Variants in PDS5B observed in about 807,000 individuals in gnomAD.
The protein encoded by PDS5B is PDS5 cohesin associated factor B, also known as sister chromatid cohesion protein PDS5 homolog B.
PDS5B carries 51 observed loss-of-function variants against 184.1 expected under a neutral mutation model. The observed-to-expected ratio is 0.28, with a 90% CI of 0.22 to 0.35. The LOEUF (loss-of-function observed/expected upper bound fraction) is 0.35. Ranked by LOEUF, PDS5B falls within the 10% of genes least tolerant of loss-of-function variation. The probability of loss-of-function intolerance (pLI) is 1.00; values close to 1 mark genes in which losing one functional copy is unlikely to be tolerated. For missense variants in PDS5B, 1,180 were observed against 1,723.3 expected (o/e 0.68, Z 5.58); for synonymous variants, 566 against 569.2 (o/e 0.99, Z 0.08).
At chr13:32,646,474 A>G (rs890621318) in intron 1 of PDS5B, among the ~76,000 whole-genome samples, 4 of 149,100 alleles carry the variant, frequency 2.7e-5, no homozygotes, top group Non-Finnish European at 5.9e-5. Flanking sequence ...TGGCAACTGA[A>G]TGGTATTGCT....
At chr13:32,728,604 C>T (rs1268129577) in intron 19 of PDS5B, among the ~76,000 whole-genome samples, 1 of 152,146 alleles carries the variant, frequency 6.6e-6, no homozygotes, top group African/African-American at 2.4e-5. Context: ...CCTGAACTCT[C>T]ATCTTTATCT....
chr13:32,710,997 C>CTTT (rs906113848), intron 19 of PDS5B, among the ~76,000 whole-genome samples: 18 of 146,786 alleles, frequency 1.2e-4, no homozygotes, highest in Non-Finnish European at 2.6e-4. Flanking sequence ...TTCTTTTTTT[C>CTTT]TTTTTTTTTT....
chr13:32,594,658 A>T (rs752206806), intron 1 of PDS5B, among the ~76,000 whole-genome samples: 7 of 152,238 alleles, frequency 4.6e-5, no homozygotes, highest in Non-Finnish European at 4.4e-5. Flanking sequence ...TTTAATGAAG[A>T]GTAAAGAATG....
chr13:32,622,157 T>A (rs2058311633), intron 1 of PDS5B, among the ~76,000 whole-genome samples: 1 of 152,120 alleles, frequency 6.6e-6, no homozygotes, highest in Non-Finnish European at 1.5e-5. Flanking sequence ...ATTTTATTCT[T>A]CATTTCTTTT....
At chr13:32,601,494 A>G (rs1593242911) in intron 1 of PDS5B, among the ~76,000 whole-genome samples, 1 of 152,212 alleles carries the variant, frequency 6.6e-6, no homozygotes, top group Non-Finnish European at 1.5e-5. Context: ...CCATATTTCT[A>G]CTGTTGTCTC....
In PDS5B at chr13:32,726,606, T is replaced by C. The variant is rs528519386; in HGVS notation, c.2124-5495T>C. 2.0e-5 allele frequency among the ~76,000 whole-genome samples: 3 copies of C among 152,354 alleles called. No individual in the cohort carries two copies. The South Asian group carries it at 6.2e-4, about 32-fold the overall frequency. On this transcript the variant is annotated intron_variant, in intron 19 of 34. Coordinates refer to ENST00000315596, the MANE Select transcript of PDS5B (RefSeq NM_015032.4). Reference sequence around the variant, plus strand: ...CAGTAGACGATGTTGTTATGAAATATGTCTCTTCCTAACTCTGGTCATCTT... The same window carrying C: ...CAGTAGACGATGTTGTTATGAAATACGTCTCTTCCTAACTCTGGTCATCTT...
chr13:32,676,932 CAAAAAAAAAAAAAAAA>C (rs4057303), intron 9 of PDS5B, among the ~76,000 whole-genome samples: 1 of 78,796 alleles, frequency 1.3e-5, no homozygotes, highest in Non-Finnish European at 2.3e-5. Flanking sequence ...CTCTTGTCTC[CAAAAAAAAAAAAAAAA>C]AAAAAAAAGA....
intron 1 of PDS5B, among the ~76,000 whole-genome samples, chr13:32,606,178 T>C (rs1239980137): frequency 2.0e-5 from 3 of 152,214 alleles, no homozygotes; most frequent in Non-Finnish European, 4.4e-5. Context: ...GTCTTTACAA[T>C]TGGCATGTTT....
At chr13:32,630,439 T>C (rs1454519819) in intron 1 of PDS5B, among the ~76,000 whole-genome samples, 1 of 152,158 alleles carries the variant, frequency 6.6e-6, no homozygotes, top group Non-Finnish European at 1.5e-5. Flanking sequence ...CCAGGGATGC[T>C]GCTGAACATT....
chr13:32,696,594 T>C (rs568411193), intron 14 of PDS5B, among the ~76,000 whole-genome samples: 1 of 151,708 alleles, frequency 6.6e-6, no homozygotes, highest in South Asian at 2.1e-4. Flanking sequence ...TTACAAAATG[T>C]AGTGCAGCTG....
rs548314883 is a variant in PDS5B at position 32,729,269 on chromosome 13, C to T, written c.2124-2832C>T. ...GCTTCATCCATGTCCCTGCAAAGGA[C>T]ATGAACTCATTCTTTTTTATGGTTG... On this transcript the variant is annotated intron_variant, in intron 19 of 34. Coordinates refer to ENST00000315596, the MANE Select transcript of PDS5B (RefSeq NM_015032.4). Among the ~76,000 whole-genome samples the T allele has an allele frequency of 3.3e-5, 5 of 152,282 alleles. No homozygotes were observed. In the East Asian group the frequency reaches 9.6e-4, roughly 29 times the overall value.
At chr13:32,643,623 A>G (rs979984507) in intron 1 of PDS5B, among the ~76,000 whole-genome samples, 1 of 151,834 alleles carries the variant, frequency 6.6e-6, no homozygotes, top group Non-Finnish European at 1.5e-5. Context: ...TATCTTTTCT[A>G]TGTTTAGATA....
chr13:32,759,102 A>T (rs1477604149), intron 28 of PDS5B, among the ~76,000 whole-genome samples: 2 of 152,190 alleles, frequency 1.3e-5, no homozygotes, highest in Non-Finnish European at 2.9e-5. Flanking sequence ...GTGATATAAG[A>T]TGTAAAAAGT....
At chr13:32,698,548 A>G (rs1441207308) in intron 15 of PDS5B, among the ~76,000 whole-genome samples, 1 of 152,090 alleles carries the variant, frequency 6.6e-6, no homozygotes. Context: ...ATTTTTTTCT[A>G]TTACAGAAAC....
intron 6 of PDS5B, among the ~76,000 whole-genome samples, chr13:32,664,897 G>A (rs566787662): frequency 1.3e-5 from 2 of 152,278 alleles, no homozygotes; most frequent in South Asian, 4.2e-4. Context: ...ATGTGCACTT[G>A]TGTGTAATTT....
At chr13:32,655,430 G>A (rs1300116150) in intron 3 of PDS5B, among the ~76,000 whole-genome samples, 2 of 128,584 alleles carry the variant, frequency 1.6e-5, no homozygotes, top group Non-Finnish European at 3.2e-5. Flanking sequence ...TCAGGCTGGA[G>A]TGCAGTGGTG....
At chr13:32,647,996 T>C (rs1950270702) in intron 1 of PDS5B, among the ~76,000 whole-genome samples, 1 of 152,242 alleles carries the variant, frequency 6.6e-6, no homozygotes, top group East Asian at 1.9e-4. Context: ...TGTGAGTTCA[T>C]GTTTTGAGAT....
chr13:32,722,483 CAT>C (rs773788789), intron 19 of PDS5B, among the ~76,000 whole-genome samples: 3 of 152,148 alleles, frequency 2.0e-5, no homozygotes, highest in African/African-American at 2.4e-5. Flanking sequence ...AGTACAGTAA[CAT>C]GTAGTACAAG....
intron 1 of PDS5B, among the ~76,000 whole-genome samples, chr13:32,608,030 C>G (rs931902503): frequency 3.9e-5 from 6 of 152,190 alleles, no homozygotes; most frequent in African/African-American, 1.2e-4. Context: ...ATGCCCTGCC[C>G]TGCTCCATGG....
Sources: gnomAD v4.1 joint callset for allele counts (sites outside exome capture counted in the v4.1 genomes callset) on GRCh38, gnomAD v4.1.1 for gene constraint, MANE v1.5 for transcripts, NCBI Gene and HGNC (gene_info 2026-07-23, HGNC 2026-07-21) for gene names.